Variants in PRKCE observed in about 807,000 individuals in gnomAD.
PRKCE encodes the protein protein kinase C epsilon type.
In PRKCE, 16 loss-of-function variants were observed where a neutral mutation model predicts 85.4. The ratio of observed to expected loss-of-function variants is 0.19; its 90% CI spans 0.13 to 0.28. The LOEUF is 0.28. PRKCE is among the 10% of genes least tolerant of loss of function. The pLI, the probability that PRKCE is intolerant of heterozygous loss-of-function variation, is 1.00. For missense variants in PRKCE, 573 were observed against 975.2 expected, an observed-to-expected ratio of 0.59 and a Z score of 5.49; for synonymous variants, 388 against 371.5, an observed-to-expected ratio of 1.04 and a Z score of -0.51.
intron 10 of PRKCE, among the ~76,000 whole-genome samples, chr2:46,075,200 C>T (rs1031293471): frequency 1.3e-5 from 2 of 151,912 alleles, no homozygotes; most frequent in African/African-American, 4.8e-5. Flanking sequence ...ACCACCACGC[C>T]CGGCTAACTT....
chr2:46,094,204 C>T (rs757474302), intron 11 of PRKCE, among the ~76,000 whole-genome samples: 3 of 152,182 alleles, frequency 2.0e-5, no homozygotes, highest in Non-Finnish European at 4.4e-5. Context: ...CCTGGGATCC[C>T]ACTTCACTTT....
chr2:45,814,328 C>T (rs1015432162), intron 1 of PRKCE, among the ~76,000 whole-genome samples: 4 of 152,172 alleles, frequency 2.6e-5, no homozygotes, highest in Admixed American at 2.6e-4. Flanking sequence ...TAATTGGATG[C>T]CCCGATACCC....
intron 2 of PRKCE, among the ~76,000 whole-genome samples, chr2:45,969,920 T>A (rs1562656): frequency 0.82 from 125,236 of 152,044 alleles, 52,120 homozygotes; most frequent in East Asian, 0.97. Flanking sequence ...GTTGCTGTCG[T>A]TGTAATGTGA....
intron 12 of PRKCE, among the ~76,000 whole-genome samples, chr2:46,148,099 A>C (rs1676260231): frequency 6.6e-6 from 1 of 152,190 alleles, no homozygotes; most frequent in Non-Finnish European, 1.5e-5. Flanking sequence ...CCCAAGGCTT[A>C]TCTTCCTGCC....
At chr2:46,098,632 A>G (rs1361064308) in intron 11 of PRKCE, among the ~76,000 whole-genome samples, 1 of 152,124 alleles carries the variant, frequency 6.6e-6, no homozygotes, top group Non-Finnish European at 1.5e-5. Context: ...ACATCAATAT[A>G]TTTTATTTTA....
chr2:45,795,299 T>A (rs913200699), intron 1 of PRKCE, among the ~76,000 whole-genome samples: 2 of 152,122 alleles, frequency 1.3e-5, no homozygotes, highest in Non-Finnish European at 2.9e-5. Context: ...CCTGAACCAC[T>A]TGAACATTAT....
chr2:46,107,023 TAA>T (rs1671781655), intron 11 of PRKCE, among the ~76,000 whole-genome samples: 1 of 152,246 alleles, frequency 6.6e-6, no homozygotes, highest in African/African-American at 2.4e-5. Flanking sequence ...TTGAGTGTAT[TAA>T]GTTTCACTCT....
chr2:46,039,816 C>T (rs1182874105), intron 10 of PRKCE, among the ~76,000 whole-genome samples: 2 of 152,298 alleles, frequency 1.3e-5, no homozygotes, highest in South Asian at 2.1e-4. Context: ...TGCTCAGTGG[C>T]TCATATTCTC....
intron 1 of PRKCE, among the ~76,000 whole-genome samples, chr2:45,795,502 G>A (rs1286720530): frequency 1.3e-5 from 2 of 152,050 alleles, no homozygotes; most frequent in Non-Finnish European, 2.9e-5. Flanking sequence ...TAGAGATGGG[G>A]TTTCATCATG....
At chr2:45,963,087 T>C (rs1167950982) in intron 2 of PRKCE, among the ~76,000 whole-genome samples, 1 of 152,102 alleles carries the variant, frequency 6.6e-6, no homozygotes, top group Non-Finnish European at 1.5e-5. Flanking sequence ...CTAAGGGACG[T>C]CTATCTCCCA....
intron 2 of PRKCE, among the ~76,000 whole-genome samples, chr2:45,939,530 C>T (rs1207803752): frequency 6.6e-6 from 1 of 151,758 alleles, no homozygotes; most frequent in Admixed American, 6.6e-5. Context: ...TGTAATGCAG[C>T]AAGTGATTCC....
intron 1 of PRKCE, among the ~76,000 whole-genome samples, chr2:45,674,515 A>G (rs757406421): frequency 6.6e-6 from 1 of 152,204 alleles, no homozygotes; most frequent in Non-Finnish European, 1.5e-5. Flanking sequence ...TGAGCCTTCA[A>G]TTGTAAGTCA....
intron 13 of PRKCE, among the ~76,000 whole-genome samples, chr2:46,152,266 C>A (rs1404533940): frequency 6.6e-6 from 1 of 151,842 alleles, no homozygotes; most frequent in Admixed American, 6.6e-5. Context: ...ACTGCAATCT[C>A]CTCCTCCCAG....
intron 1 of PRKCE, among the ~76,000 whole-genome samples, chr2:45,703,494 C>T (rs1457850338): frequency 6.6e-6 from 1 of 150,720 alleles, no homozygotes; most frequent in Non-Finnish European, 1.5e-5. Context: ...GCTGTGATCA[C>T]AACACTGCAC....
At chr2:46,010,654 G>T (rs139176418) in intron 10 of PRKCE, 137 bp downstream of exon 10, 40 of 1,598,958 alleles carry the variant, frequency 2.5e-5, no homozygotes, top group Non-Finnish European at 3.3e-5. Context: ...AAAAGATCAG[G>T]ATGTATTTGA....
Position 45,715,427 on chromosome 2 carries a change from C to A in PRKCE, c.348+62979C>A, listed in dbSNP as rs190282338. ...TTTGCAGTCTCAGGGAACTCAGAGT[C>A]CTTAAAGATACGGTTGGGTTTTCTT... On this transcript the variant is annotated intron_variant, in intron 1 of 14. Coordinates refer to ENST00000306156, the MANE Select transcript of PRKCE (RefSeq NM_005400.3). 2.0e-3 allele frequency among the ~76,000 whole-genome samples: 305 copies of A among 152,304 alleles called. 1 individual carries two copies. The highest frequency in any genetic ancestry group is 7.1e-3 in the African/African-American group (296 of 41,558).
intron 11 of PRKCE, among the ~76,000 whole-genome samples, chr2:46,114,333 TAC>T (rs1040657535): frequency 3.3e-5 from 5 of 151,702 alleles, no homozygotes; most frequent in African/African-American, 9.7e-5. Context: ...GAGTTAAGAT[TAC>T]AGTCTTCCCA....
Position 45,862,150 on chromosome 2 carries a change from C to T in PRKCE, c.412+19087C>T, listed in dbSNP as rs189757869. ...CCCTGGAGAATGGTCTTAGGTACTA[C>T]CCCGCCACCCTAGTGTAACCTTTCT... On this transcript the variant is annotated intron_variant, in intron 2 of 14. Transcript: ENST00000306156. Among the ~76,000 whole-genome samples the T allele has an allele frequency of 4.0e-5, 6 of 151,654 alleles. No individual in the cohort carries two copies. The East Asian group carries it at 1.2e-3, about 29-fold the overall frequency.
At chr2:45,850,292 A>G (rs1361729539) in intron 2 of PRKCE, among the ~76,000 whole-genome samples, 2 of 152,260 alleles carry the variant, frequency 1.3e-5, no homozygotes, top group African/African-American at 4.8e-5. Context: ...GTTACAGTGA[A>G]GAAATAAGCT....
Sources: gnomAD v4.1 joint callset for allele counts (sites outside exome capture counted in the v4.1 genomes callset) on GRCh38, gnomAD v4.1.1 for gene constraint, MANE v1.5 for transcripts, NCBI Gene and HGNC (gene_info 2026-07-23, HGNC 2026-07-21) for gene names.